THAP7: variants seen among roughly 807,000 people sequenced by gnomAD.
The protein encoded by THAP7 is THAP domain-containing protein 7.
Under a neutral mutation model 29.2 loss-of-function variants are expected in THAP7, and 22 were observed. The ratio of observed to expected loss-of-function variants is 0.75; its 90% CI spans 0.54 to 1.08. THAP7 has a LOEUF of 1.08. Ranked by LOEUF, THAP7 falls within the 50% of genes least tolerant of loss-of-function variation. The pLI, the probability that THAP7 is intolerant of heterozygous loss-of-function variation, is 0.00. For synonymous variants in THAP7, 208 were observed against 173.4 expected (o/e 1.20, Z -1.57); for missense variants, 448 against 416.2 (o/e 1.08, Z -0.66).
rs1426759653 is a variant in THAP7, at chr22:20,999,947, T to A, written c.863A>T (p.Asp288Val). The A allele has an allele frequency of 1.2e-6, 2 of 1,612,334 alleles. No individual in the cohort carries two copies. Among genetic ancestry groups the A allele is most frequent in the African/African-American group, 2.7e-5 (2 of 74,936 alleles). The change falls in exon 4 of 4, where the codon GAT becomes GTT. Residue 288 changes from aspartate (D) to valine (V), a missense_variant. Asp to Val is a radical substitution (Grantham distance 152). Transcript: ENST00000215742. ...ATGCTCCTTCAGAGTCTGGCGGGCA[T>A]CTGCCTGTGCCCGCTTCTCCCGTGC... ...ERAREKRAQA[D>V]ARQTLKEHVQ...
In THAP7 at chr22:20,999,970, T is replaced by A; in HGVS notation, c.840A>T (p.Ala280=). The change falls in exon 4 of 4, where the codon GCA becomes GCT. Residue 280 remains alanine (A), a synonymous_variant. Coordinates refer to ENST00000215742, the MANE Select transcript of THAP7 (RefSeq NM_030573.3). ...LRLTKLQQER[A]REKRAQADAR... ...CATCTGCCTGTGCCCGCTTCTCCCG[T>A]GCCCGCTCCTGCTGCAGCTTGGTCA... 1 of 1,612,758 alleles carries A rather than the reference T, an allele frequency of 6.2e-7. No homozygotes were observed. The highest frequency in any genetic ancestry group is 2.2e-5 in the East Asian group (1 of 44,872).
intron 2 of THAP7, 86 bp from the exon 3 acceptor site, chr22:21,000,873 G>C (rs1925126535): frequency 6.3e-7 from 1 of 1,583,288 alleles, no homozygotes; most frequent in South Asian, 1.1e-5. Flanking sequence ...GCCGTGGGAT[G>C]CTGGAAGGCA....
rs1292831766 is a variant in THAP7, at chr22:21,000,343, G to A, written c.467C>T (p.Pro156Leu). 4 of 1,553,828 alleles carry A rather than the reference G, an allele frequency of 2.6e-6. No individual in the cohort carries two copies. The Admixed American group carries it at 7.8e-5, about 30-fold the overall frequency. The change falls in exon 4 of 4, where the codon CCT (proline) becomes CTT (leucine). Residue 156 changes from proline (P) to leucine (L), a missense_variant. Transcript: ENST00000215742. ...TCFPVEEASAPATLPASPAGR... is the reference protein window; with the variant it reads ...TCFPVEEASALATLPASPAGR... ...AGCTGGGGAGGCCGGCAAAGTGGCA[G>A]GTGCTGAGGCCTCTTCCACAGGAAA...
At position 21,000,357 on chromosome 22, in the gene THAP7, T is replaced by C. The variant is rs760785986; in HGVS notation, c.453A>G (p.Glu151=). 3 of 1,553,308 alleles carry C rather than the reference T, an allele frequency of 1.9e-6. No homozygotes were observed. The South Asian group carries it at 3.6e-5, about 18-fold the overall frequency. ...GCAAAGTGGCAGGTGCTGAGGCCTC[T>C]TCCACAGGAAAGCAGGTGACATCAG... is the stretch of plus-strand genomic sequence containing the variant. ...PPADVTCFPV[E]EASAPATLPA... The change falls in exon 4 of 4, where the codon GAA becomes GAG. Residue 151 remains glutamate, a synonymous_variant. Coordinates refer to ENST00000215742, the MANE Select transcript of THAP7 (RefSeq NM_030573.3).
At chr22:21,001,581 G>A (rs991478580) in intron 1 of THAP7, 170 bp from the exon 2 acceptor site, 4 of 1,079,908 alleles carry the variant, frequency 3.7e-6, no homozygotes, top group Non-Finnish European at 5.2e-6. Context: ...CGGAGGCCTC[G>A]AGAAGAAAAG....
In THAP7 at chr22:21,001,335, G is replaced by C. The variant is rs1219789983; in HGVS notation, c.157C>G (p.Leu53Val). The change falls in exon 2 of 4, where the codon CTG (leucine) becomes GTG (valine). Residue 53 changes from leucine (L) to valine (V), a missense_variant. Transcript: ENST00000215742. ...CQRLDPSGQGLWDPASEYIYF... is the reference protein window; with the variant it reads ...CQRLDPSGQGVWDPASEYIYF... ...ATGTACTCGGATGCCGGGTCCCACA[G>C]GCCCTGGCCGCTGGGGTCCAGCCGC... is the stretch of plus-strand genomic sequence containing the variant. 2.5e-6 allele frequency: 4 copies of C among 1,613,902 alleles called. No homozygotes were observed. Among genetic ancestry groups the C allele is most frequent in the Non-Finnish European group, 3.4e-6 (4 of 1,180,014 alleles).
chr22:21,000,695 T>TA lies in THAP7; in HGVS notation c.328dup (p.Tyr110LeufsTer7). On this transcript the variant is annotated frameshift_variant, in exon 3 of 4. Transcript: ENST00000215742. LOFTEE classifies it high-confidence loss of function. ...GCTGACTTCAGCGGGGCCAGGTGGG[T>TA]AACTGTGTCCTTTGGTCTTGGTTGT... The TA allele has an allele frequency of 6.2e-7, 1 of 1,614,132 alleles. No homozygotes were observed.
At position 21,000,230 on chromosome 22, in the gene THAP7, G is replaced by A; in HGVS notation, c.580C>T (p.Gln194Ter). 2 of 1,557,582 alleles carry A rather than the reference G, an allele frequency of 1.3e-6. No homozygotes were observed. Among genetic ancestry groups the A allele is most frequent in the Non-Finnish European group, 1.7e-6 (2 of 1,150,466 alleles). The change falls in exon 4 of 4, where the codon CAG (glutamine) becomes TAG (stop). Residue 194 changes from glutamine (Q) to a stop codon, truncating the protein, a stop_gained. Coordinates refer to ENST00000215742, the MANE Select transcript of THAP7 (RefSeq NM_030573.3). LOFTEE classifies it high-confidence loss of function. ...GAGGGCTGCCGCTCTGGTGAAGGCT[G>A]GGCGCTGCAGCCTGCTTCATCTGCC... ...AQADEAGCSA[Q>*]PSPERQPSPL... is the part of the protein sequence containing the mutation.
rs1291418133 is a variant in THAP7 at position 21,000,028 on chromosome 22, C to T, written c.782G>A (p.Cys261Tyr). The stretch of plus-strand genomic sequence containing the variant: ...CCGCAGCCGCTGCTCCCGCCGCTTG[C>T]AGGCCTGCAGCTGGCGCTGGGCCTT... ...LDKAQRQLQA[C>Y]KRREQRLRLR... The change falls in exon 4 of 4, where the codon TGC becomes TAC. Residue 261 changes from cysteine (C) to tyrosine (Y), a missense_variant. By Grantham distance (194) the Cys-to-Tyr change is radical (BLOSUM62 -2). Coordinates refer to ENST00000215742, the MANE Select transcript of THAP7 (RefSeq NM_030573.3). 2 of 1,612,840 alleles carry T rather than the reference C, an allele frequency of 1.2e-6. No homozygotes were observed. The highest frequency in any genetic ancestry group is 1.1e-5 in the South Asian group (1 of 91,080).
At chr22:21,001,231 A>G (rs762351173) in intron 2 of THAP7, 25 bp downstream of exon 2, 1 of 1,606,738 alleles carries the variant, frequency 6.2e-7, no homozygotes, top group African/African-American at 1.3e-5. Flanking sequence ...ATCCTACCCC[A>G]GCGTCGGCCG....
chr22:21,001,558 A>G, intron 1 of THAP7, 147 bp from the exon 2 acceptor site: 1 of 1,266,174 alleles, frequency 7.9e-7, no homozygotes, highest in Non-Finnish European at 1.1e-6. Flanking sequence ...CCGCCCGGGC[A>G]CAGACGAGGC....
In THAP7 at chr22:21,000,152, G is replaced by C; in HGVS notation, c.658C>G (p.Pro220Ala). The change falls in exon 4 of 4, where the codon CCA (proline) becomes GCA (alanine). Residue 220 changes from proline to alanine, a missense_variant. Transcript: ENST00000215742. ...SPSAYMLRLPPPAGAYIQNEH... is the reference protein window; with the variant it reads ...SPSAYMLRLPAPAGAYIQNEH... ...TTCTGGATGTAGGCTCCGGCGGGTGGGGGCAGGCGCAGCATATACGCTGAG... is the reference window on the plus strand; with the variant it reads ...TTCTGGATGTAGGCTCCGGCGGGTGCGGGCAGGCGCAGCATATACGCTGAG... 1 of 1,592,900 alleles carries C rather than the reference G, an allele frequency of 6.3e-7. No homozygotes were observed.
In THAP7 at chr22:21,001,325, G is replaced by A. The variant is rs143173295; in HGVS notation, c.167C>T (p.Pro56Leu). Residue 56 changes from proline (P) to leucine (L), a missense_variant, in exon 2 of 4, where the codon CCG (proline) becomes CTG (leucine). Physicochemically the swap from Pro to Leu is moderately conservative, Grantham distance 98 (BLOSUM62 -3). Transcript: ENST00000215742. ...LDPSGQGLWD[P>L]ASEYIYFCSK... ...GCAGAAGTAGATGTACTCGGATGCCGGGTCCCACAGGCCCTGGCCGCTGGG... is the reference window on the plus strand; with the variant it reads ...GCAGAAGTAGATGTACTCGGATGCCAGGTCCCACAGGCCCTGGCCGCTGGG... 9 of 1,614,094 alleles carry A rather than the reference G, an allele frequency of 5.6e-6. No individual in the cohort carries two copies. Among genetic ancestry groups the A allele is most frequent in the Non-Finnish European group, 7.6e-6 (9 of 1,180,016 alleles).
chr22:21,001,834 G>C lies in THAP7; in HGVS notation c.78C>G (p.His26Gln). The C allele has an allele frequency of 6.4e-7, 1 of 1,555,960 alleles. No homozygotes were observed. The highest frequency in any genetic ancestry group is 8.7e-7 in the Non-Finnish European group (1 of 1,152,170). The change falls in exon 1 of 4, where the codon CAC becomes CAG. Residue 26 changes from histidine to glutamine, a missense_variant and splice_region_variant. Coordinates refer to ENST00000215742, the MANE Select transcript of THAP7 (RefSeq NM_030573.3). ...RETRNRGISF[H>Q]RLPKKDNPRR... The stretch of plus-strand genomic sequence containing the variant: ...GCCCGCGGCGCACGCGCGCTGACCT[G>C]TGGAAGGAGATGCCGCGGTTGCGCG...
rs769615342 is a variant in THAP7, at chr22:20,999,850, G to A, written c.*30C>T. The A allele has an allele frequency of 6.4e-7, 1 of 1,574,726 alleles. No individual in the cohort carries two copies. The highest frequency in any genetic ancestry group is 1.1e-5 in the South Asian group (1 of 87,724). On this transcript the variant is annotated 3_prime_UTR_variant, in exon 4 of 4. Coordinates refer to ENST00000215742, the MANE Select transcript of THAP7 (RefSeq NM_030573.3). ...GGGAGGAAGAGGCTGCAGTCTTGCT[G>A]GGCAGCCCCTCGGTCAGTCCAGCAG...
At position 21,000,408 on chromosome 22, in the gene THAP7, T is replaced by A; in HGVS notation, c.402A>T (p.Thr134=). 3 of 1,553,412 alleles carry A rather than the reference T, an allele frequency of 1.9e-6. No homozygotes were observed. Among genetic ancestry groups the A allele is most frequent in the South Asian group, 1.2e-5 (1 of 84,638 alleles). ...CAGGTGGAGGTGGAGAAAATGGAGT[T>A]GTGGGCCCTCGGCCCTCGGAGCAGC... is the stretch of plus-strand genomic sequence containing the variant. ...RKRCSEGRGP[T]TPFSPPPPAD... Residue 134 remains threonine (T), a synonymous_variant, in exon 4 of 4, where the codon ACA becomes ACT. Coordinates refer to ENST00000215742, the MANE Select transcript of THAP7 (RefSeq NM_030573.3).
In THAP7 at chr22:21,001,791, T is replaced by A. The variant is rs759739227; in HGVS notation, c.80+41A>T. 3 of 1,532,700 alleles carry A rather than the reference T, an allele frequency of 2.0e-6. No homozygotes were observed. The African/African-American group carries it at 4.1e-5, about 21-fold the overall frequency. The allele number at this position is 1,532,700 out of a possible 1,614,324, so 94.9% of individuals were successfully genotyped here. On this transcript the variant is annotated intron_variant, in intron 1 of 3. Transcript: ENST00000215742. ...GTTGCGACCCGAGGCGAGCAACAAC[T>A]AGCGCATGCGCACGTGAGCCCGCGG...
Position 21,000,290 on chromosome 22 carries a change from GGCTGCTAAGGCCAGGCTCCAGCCTCCCA to G in THAP7, c.492_519del (p.Gly165ProfsTer97). The G allele has an allele frequency of 6.4e-7, 1 of 1,556,726 alleles. No individual in the cohort carries two copies. Among genetic ancestry groups the G allele is most frequent in the Non-Finnish European group, 8.7e-7 (1 of 1,150,400 alleles). On this transcript the variant is annotated frameshift_variant, in exon 4 of 4. Coordinates refer to ENST00000215742, the MANE Select transcript of THAP7 (RefSeq NM_030573.3). LOFTEE classifies it high-confidence loss of function. ...AAGGGGCCCAGTAGGTCTGAAAAGG[GGCTGCTAAGGCCAGGCTCCAGCCTCCCA>G]GCTGGGGAGGCCGGCAAAGTGGCAG...
In THAP7 at chr22:20,999,582, G is replaced by A; in HGVS notation, c.*298C>T. 3 of 420,858 alleles carry A rather than the reference G, an allele frequency of 7.1e-6. No homozygotes were observed. The highest frequency in any genetic ancestry group is 1.3e-5 in the Non-Finnish European group (3 of 231,668). The allele number at this position is 420,858 out of a possible 1,614,324, so 26.1% of individuals were successfully genotyped here. On this transcript the variant is annotated 3_prime_UTR_variant, in exon 4 of 4. Transcript: ENST00000215742. The stretch of plus-strand genomic sequence containing the variant: ...CCTGCCCCTTCAGAGAACCCTGTGG[G>A]GCACGGAGCTGCGCTAGCAGGGCTG...
Sources: gnomAD v4.1 joint callset for allele counts on GRCh38, gnomAD v4.1.1 for gene constraint, MANE v1.5 for transcripts, NCBI Gene and HGNC (gene_info 2026-07-23, HGNC 2026-07-21) for gene names.